The following CAAP1 variants were observed in gnomAD, a reference collection of about 807,000 sequenced individuals.
CAAP1 encodes conserved anti-apoptotic protein.
Under a neutral mutation model 34.0 loss-of-function variants are expected in CAAP1, and 20 were observed. The ratio of observed to expected loss-of-function variants is 0.59; its 90% CI spans 0.41 to 0.86. The LOEUF (loss-of-function observed/expected upper bound fraction) is 0.86, where lower values mean the gene tolerates loss of function less well. Ranked by LOEUF, CAAP1 falls within the 40% of genes least tolerant of loss-of-function variation. The pLI, the probability that CAAP1 is intolerant of heterozygous loss-of-function variation, is 0.00. For missense variants in CAAP1, 538 were observed against 450.5 expected (o/e 1.19, Z -1.76); for synonymous variants, 213 against 166.7 (o/e 1.28, Z -2.14).
chr9:26,856,471 A>G (rs1822872646), intron 5 of CAAP1, among the ~76,000 whole-genome samples: 1 of 152,252 alleles, frequency 6.6e-6, no homozygotes, highest in African/African-American at 2.4e-5. Flanking sequence ...GAAAACAGTT[A>G]TTAACCATTC....
intron 4 of CAAP1, among the ~76,000 whole-genome samples, chr9:26,877,069 G>A (rs1823453267): frequency 6.6e-6 from 1 of 152,228 alleles, no homozygotes; most frequent in Admixed American, 6.5e-5. Flanking sequence ...CGGATCACTT[G>A]AGCCCAGGAG....
chr9:26,865,515 A>C (rs373741967), intron 4 of CAAP1, among the ~76,000 whole-genome samples: 9 of 147,692 alleles, frequency 6.1e-5, no homozygotes, highest in African/African-American at 2.3e-4. Flanking sequence ...CAAGAGAGAA[A>C]CTATGTCTCA....
At chr9:26,870,224 C>G (rs1332065955) in intron 4 of CAAP1, among the ~76,000 whole-genome samples, 16 of 151,868 alleles carry the variant, frequency 1.1e-4, no homozygotes. Context: ...TCTATAGATT[C>G]TGGAAAGGTG....
chr9:26,880,104 GGGT>G, intron 4 of CAAP1: 4 of 174,392 alleles, frequency 2.3e-5, no homozygotes, highest in South Asian at 2.0e-4. Flanking sequence ...CGGGGGGGGG[GGGT>G]CTCTTTTAGA....
At chr9:26,854,912 A>G (rs1043937822) in intron 5 of CAAP1, among the ~76,000 whole-genome samples, 8 of 152,222 alleles carry the variant, frequency 5.3e-5, no homozygotes, top group Non-Finnish European at 1.0e-4. Flanking sequence ...AGGAATGTGG[A>G]GCAATGGGAA....
intron 4 of CAAP1, among the ~76,000 whole-genome samples, chr9:26,865,471 C>T (rs984570955): frequency 6.6e-6 from 1 of 151,810 alleles, no homozygotes; most frequent in Non-Finnish European, 1.5e-5. Flanking sequence ...TTGTGGTGAG[C>T]CAAGATCATG....
rs1274669841 is a variant in CAAP1, at chr9:26,842,564, C to A, written c.823G>T (p.Ala275Ser). 3 of 1,614,046 alleles carry A rather than the reference C, an allele frequency of 1.9e-6. No individual in the cohort carries two copies. The highest frequency in any genetic ancestry group is 1.6e-4 in the Middle Eastern group (1 of 6,084). Reference sequence around the variant, plus strand: ...GTATTTTCTGGTGCCTCGGGAGCAGCTGCTTCTTCGTTGCATGGGCCTTCT... The same window carrying A: ...GTATTTTCTGGTGCCTCGGGAGCAGATGCTTCTTCGTTGCATGGGCCTTCT... ...DIEGPCNEEA[A>S]APEAPENTVQ... The change falls in exon 6 of 6, where the codon GCT becomes TCT. Residue 275 changes from alanine to serine, a missense_variant. Physicochemically the swap from Ala to Ser is moderately conservative, Grantham distance 99 (BLOSUM62 1). This residue lies in a region of CAAP1 where 514 missense variants were observed against 408.4 expected (regional missense o/e 1.26). Transcript: ENST00000333916.
chr9:26,891,663 C>T (rs922765801), intron 1 of CAAP1, among the ~76,000 whole-genome samples: 1 of 152,076 alleles, frequency 6.6e-6, no homozygotes, highest in Non-Finnish European at 1.5e-5. Context: ...TATAAAGAAG[C>T]CTATCACAAC....
At chr9:26,884,670 A>C (rs960921400) in intron 4 of CAAP1, 140 bp downstream of exon 4, 9 of 694,524 alleles carry the variant, frequency 1.3e-5, no homozygotes, top group Non-Finnish European at 2.0e-5. Context: ...CAATCATTAC[A>C]AGTAGACAAA....
At chr9:26,853,671 C>T (rs1049816180) in intron 5 of CAAP1, among the ~76,000 whole-genome samples, 3 of 152,102 alleles carry the variant, frequency 2.0e-5, no homozygotes, top group Non-Finnish European at 2.9e-5. Context: ...CAATAATTCA[C>T]TAGAGAGGGG....
At chr9:26,875,029 TAC>T (rs1823391784) in intron 4 of CAAP1, among the ~76,000 whole-genome samples, 1 of 152,164 alleles carries the variant, frequency 6.6e-6, no homozygotes, top group Non-Finnish European at 1.5e-5. Flanking sequence ...TTAAATACCA[TAC>T]ACACACACGT....
intron 3 of CAAP1, 70 bp from the exon 4 acceptor site, chr9:26,884,955 A>G (rs574031631): frequency 7.7e-6 from 9 of 1,163,808 alleles, no homozygotes; most frequent in African/African-American, 6.1e-5. Context: ...ATGACATTAA[A>G]AAGTATAATC....
intron 4 of CAAP1, among the ~76,000 whole-genome samples, chr9:26,863,693 G>A (rs1392858019): frequency 6.6e-6 from 1 of 151,344 alleles, no homozygotes; most frequent in Non-Finnish European, 1.5e-5. Flanking sequence ...GAGGAATGGG[G>A]AGAGGGTGGG....
chr9:26,852,982 A>G (rs1307181465), intron 5 of CAAP1, among the ~76,000 whole-genome samples: 2 of 152,222 alleles, frequency 1.3e-5, no homozygotes, highest in African/African-American at 4.8e-5. Context: ...AGGAGGCAGG[A>G]GCAGAGAGAG....
chr9:26,887,045 C>G (rs936129777), intron 2 of CAAP1, among the ~76,000 whole-genome samples: 1 of 152,106 alleles, frequency 6.6e-6, no homozygotes, highest in Non-Finnish European at 1.5e-5. Context: ...GAAACCCCGT[C>G]TCTTAAAAAT....
intron 5 of CAAP1, among the ~76,000 whole-genome samples, chr9:26,858,352 G>C (rs751613142): frequency 3.0e-4 from 46 of 152,078 alleles, no homozygotes; most frequent in Non-Finnish European, 5.0e-4. Flanking sequence ...AGCTTGTTTG[G>C]TAACTTCAAG....
chr9:26,877,715 T>A (rs1823477462), intron 4 of CAAP1, among the ~76,000 whole-genome samples: 1 of 152,116 alleles, frequency 6.6e-6, no homozygotes, highest in African/African-American at 2.4e-5. Context: ...TAAAAAAAAA[T>A]CTGCTTCCAT....
intron 5 of CAAP1, among the ~76,000 whole-genome samples, chr9:26,852,152 T>G (rs371508795): frequency 6.6e-6 from 1 of 151,890 alleles, no homozygotes; most frequent in Non-Finnish European, 1.5e-5. Flanking sequence ...CTCTGCCTCC[T>G]GGCTGAAGCA....
At chr9:26,869,459 C>A (rs1823221139) in intron 4 of CAAP1, among the ~76,000 whole-genome samples, 1 of 152,074 alleles carries the variant, frequency 6.6e-6, no homozygotes, top group South Asian at 2.1e-4. Flanking sequence ...CTCACATAAA[C>A]CATTGTTGAC....
Sources: allele counts gnomAD v4.1 joint callset (sites outside exome capture counted in the v4.1 genomes callset), GRCh38; gene constraint gnomAD v4.1.1; regional missense constraint gnomAD v4.1.1; transcripts MANE v1.5; gene names NCBI Gene and HGNC (gene_info 2026-07-23, HGNC 2026-07-21).